The following TPP2 variants were observed in gnomAD, a reference collection of about 807,000 sequenced individuals.
The protein encoded by TPP2 is tripeptidyl-peptidase 2.
A neutral mutation model predicts 155.9 loss-of-function variants in TPP2; 34 were observed. The observed-to-expected ratio is 0.22, with a 90% CI of 0.17 to 0.29. The LOEUF (loss-of-function observed/expected upper bound fraction) is 0.29, where lower values mean the gene tolerates loss of function less well. Among genes scored for constraint, TPP2 ranks in the 10% least tolerant of loss-of-function variants. The pLI, the probability that TPP2 is intolerant of heterozygous loss-of-function variation, is 1.00. For missense variants in TPP2, 1,028 were observed against 1,522.3 expected (o/e 0.68, Z 5.40); for synonymous variants, 510 against 529.4 (o/e 0.96, Z 0.50).
intron 29 of TPP2, among the ~76,000 whole-genome samples, chr13:102,677,323 C>T (rs1198261869): frequency 2.0e-5 from 3 of 152,092 alleles, no homozygotes; most frequent in Admixed American, 6.6e-5. Flanking sequence ...TGATCCCTGC[C>T]GACGTTCACA....
intron 12 of TPP2, 76 bp from the exon 13 acceptor site, chr13:102,636,148 A>T (rs964550377): frequency 5.2e-5 from 73 of 1,416,382 alleles, no homozygotes; most frequent in Admixed American, 1.7e-4. Flanking sequence ...ACTGAAATCA[A>T]ATTGATTGGT....
At chr13:102,639,435 A>G (rs1348953501) in intron 15 of TPP2, among the ~76,000 whole-genome samples, 2 of 152,206 alleles carry the variant, frequency 1.3e-5, no homozygotes, top group East Asian at 1.9e-4. Flanking sequence ...TCTCAGCCGT[A>G]TATTCCCTCG....
chr13:102,640,850 C>G (rs1307689455), intron 16 of TPP2, among the ~76,000 whole-genome samples: 1 of 151,944 alleles, frequency 6.6e-6, no homozygotes, highest in East Asian at 1.9e-4. Flanking sequence ...CGAGGTTTCA[C>G]CATGTTGGCT....
intron 2 of TPP2, among the ~76,000 whole-genome samples, chr13:102,607,412 C>T (rs1261656672): frequency 6.6e-6 from 1 of 152,140 alleles, no homozygotes; most frequent in East Asian, 1.9e-4. Flanking sequence ...AAATGCTCAG[C>T]CTTCTGAATT....
chr13:102,633,525 G>A (rs755355189), intron 10 of TPP2, among the ~76,000 whole-genome samples: 1 of 152,048 alleles, frequency 6.6e-6, no homozygotes, highest in Non-Finnish European at 1.5e-5. Context: ...TATAGAAAAT[G>A]TTAATTTATA....
chr13:102,674,520 G>T (rs1270658953), intron 28 of TPP2, 30 bp downstream of exon 28: 2 of 1,610,002 alleles, frequency 1.2e-6, no homozygotes, highest in Non-Finnish European at 1.7e-6. Context: ...TTTCAGCAAA[G>T]TTCTTGGGGT....
At chr13:102,651,055 A>T (rs1883451852) in intron 23 of TPP2, among the ~76,000 whole-genome samples, 1 of 152,230 alleles carries the variant, frequency 6.6e-6, no homozygotes, top group African/African-American at 2.4e-5. Flanking sequence ...AGACTAGACC[A>T]TCAACTAAAT....
intron 25 of TPP2, among the ~76,000 whole-genome samples, chr13:102,661,850 T>C (rs1884251975): frequency 6.6e-6 from 1 of 152,172 alleles, no homozygotes; most frequent in Non-Finnish European, 1.5e-5. Flanking sequence ...TGCAGACTTT[T>C]TGGAAAACAA....
At chr13:102,610,808 TACATAAAAC>T (rs201562884) in intron 2 of TPP2, among the ~76,000 whole-genome samples, 2,415 of 152,238 alleles carry the variant, frequency 0.016, 28 homozygotes, top group Non-Finnish European at 0.021. Context: ...ATACATAAAA[TACATAAAAC>T]ACATATATAC....
chr13:102,657,797 A>C (rs1595200679), intron 25 of TPP2, among the ~76,000 whole-genome samples: 2 of 152,288 alleles, frequency 1.3e-5, no homozygotes, highest in South Asian at 2.1e-4. Context: ...AAAAGTAAAA[A>C]TCGTCTCGCT....
chr13:102,623,735 T>C (rs1220311848), intron 6 of TPP2, among the ~76,000 whole-genome samples: 1 of 152,178 alleles, frequency 6.6e-6, no homozygotes, highest in Non-Finnish European at 1.5e-5. Flanking sequence ...CAAAAAAATA[T>C]ATTTTTTAAA....
At position 102,640,299 on chromosome 13, in the gene TPP2, C is replaced by T; in HGVS notation, c.1943C>T (p.Ala648Val). ...AATGAATCATCACATTATGATCTAG[C>T]CTTTACAGATGTACACTTTAAACCT... ...KVNESSHYDLAFTDVHFKPGQ... is the reference protein window; with the variant it reads ...KVNESSHYDLVFTDVHFKPGQ... Residue 648 changes from alanine (A) to valine (V), a missense_variant, in exon 16 of 30, where the codon GCC becomes GTC. By Grantham distance (64) the Ala-to-Val change is moderately conservative (BLOSUM62 0). Coordinates refer to ENST00000376052, the MANE Select transcript of TPP2 (RefSeq NM_001330588.2). The T allele has an allele frequency of 6.2e-7, 1 of 1,611,928 alleles. No individual in the cohort carries two copies. Among genetic ancestry groups the T allele is most frequent in the Non-Finnish European group, 8.5e-7 (1 of 1,178,572 alleles).
At chr13:102,675,728 A>G (rs1885246355) in intron 28 of TPP2, among the ~76,000 whole-genome samples, 1 of 152,174 alleles carries the variant, frequency 6.6e-6, no homozygotes. Context: ...TACTGTGTTT[A>G]CTGTGTCTAT....
At position 102,635,238 on chromosome 13, in the gene TPP2, C is replaced by A. The variant is rs187799343; in HGVS notation, c.1394-349C>A. Among the ~76,000 whole-genome samples the A allele has an allele frequency of 8.7e-4, 132 of 152,268 alleles. No homozygotes were observed. In the East Asian group the frequency reaches 0.017, roughly 20 times the overall value. On this transcript the variant is annotated intron_variant, in intron 11 of 29. Coordinates refer to ENST00000376052, the MANE Select transcript of TPP2 (RefSeq NM_001330588.2). ...TTATAACATACAGTTGGGTTGAACA[C>A]CACAGCCAACAGCCATCTTGTTTAA... is the stretch of plus-strand genomic sequence containing the variant.
At chr13:102,597,785 G>C (rs1381187831) in intron 1 of TPP2, among the ~76,000 whole-genome samples, 1 of 152,246 alleles carries the variant, frequency 6.6e-6, no homozygotes, top group African/African-American at 2.4e-5. Flanking sequence ...CGAAAGCTGG[G>C]TTTCCAGAAG....
At chr13:102,602,988 T>C (rs1055036736) in intron 1 of TPP2, among the ~76,000 whole-genome samples, 2 of 152,168 alleles carry the variant, frequency 1.3e-5, no homozygotes, top group Admixed American at 6.5e-5. Context: ...GGTAACTCAG[T>C]ACATATTCCT....
chr13:102,661,806 T>G (rs2139584881), intron 25 of TPP2, among the ~76,000 whole-genome samples: 1 of 152,280 alleles, frequency 6.6e-6, no homozygotes, highest in Non-Finnish European at 1.5e-5. Flanking sequence ...CAAAGCAGAA[T>G]CCTCAGACAC....
intron 11 of TPP2, 62 bp downstream of exon 11, chr13:102,634,160 C>T: frequency 1.2e-6 from 2 of 1,601,166 alleles, no homozygotes; most frequent in Non-Finnish European, 1.7e-6. Flanking sequence ...TTCTGAAGCT[C>T]TCATGGTAAG....
At chr13:102,604,222 G>A (rs1433394314) in intron 1 of TPP2, among the ~76,000 whole-genome samples, 1 of 152,012 alleles carries the variant, frequency 6.6e-6, no homozygotes, top group African/African-American at 2.4e-5. Flanking sequence ...TCCCCCTAAA[G>A]CTCTAAACTT....
Sources: gnomAD v4.1 joint callset for allele counts (sites outside exome capture counted in the v4.1 genomes callset) on GRCh38, gnomAD v4.1.1 for gene constraint, MANE v1.5 for transcripts, NCBI Gene and HGNC (gene_info 2026-07-23, HGNC 2026-07-21) for gene names.